The following L3MBTL4 variants were observed in gnomAD, a reference collection of about 807,000 sequenced individuals.
L3MBTL4 encodes the protein lethal(3)malignant brain tumor-like protein 4.
L3MBTL4 carries 70 observed loss-of-function variants against 84.5 expected under a neutral mutation model. The observed-to-expected ratio is 0.83, with a 90% CI of 0.68 to 1.01. L3MBTL4 has a LOEUF of 1.01. Ranked by LOEUF, L3MBTL4 falls within the 50% of genes least tolerant of loss-of-function variation. The probability of loss-of-function intolerance (pLI) is 0.00; values close to 1 mark genes in which losing one functional copy is unlikely to be tolerated. For missense variants in L3MBTL4, 715 were observed against 754.8 expected (o/e 0.95, Z 0.62); for synonymous variants, 274 against 259.8 (o/e 1.05, Z -0.52).
intron 12 of L3MBTL4, among the ~76,000 whole-genome samples, chr18:6,185,969 A>ATTT (rs1196171165): frequency 2.1e-4 from 29 of 139,858 alleles, no homozygotes; most frequent in African/African-American, 8.0e-4. Flanking sequence ...TCTTTATTTT[A>ATTT]TTTTATTTTA....
chr18:6,133,966 A>G (rs1201830361), intron 14 of L3MBTL4, among the ~76,000 whole-genome samples: 1 of 152,190 alleles, frequency 6.6e-6, no homozygotes, highest in Non-Finnish European at 1.5e-5. Flanking sequence ...CACATTGTGC[A>G]TATGGCCTGT....
chr18:6,253,387 G>A (rs1347670915), intron 5 of L3MBTL4, among the ~76,000 whole-genome samples: 1 of 152,188 alleles, frequency 6.6e-6, no homozygotes, highest in African/African-American at 2.4e-5. Flanking sequence ...ATTACATTTA[G>A]AAAGTTGCAA....
At chr18:6,142,353 A>C (rs566564132) in intron 13 of L3MBTL4, among the ~76,000 whole-genome samples, 2 of 152,338 alleles carry the variant, frequency 1.3e-5, no homozygotes, top group South Asian at 2.1e-4. Context: ...ATAAACAGCA[A>C]ATTTGAATTA....
intron 16 of L3MBTL4, among the ~76,000 whole-genome samples, chr18:6,006,548 A>G (rs899716576): frequency 6.6e-6 from 1 of 152,216 alleles, no homozygotes; most frequent in African/African-American, 2.4e-5. Flanking sequence ...CTGGCATACA[A>G]ATTTAGTAAC....
intron 1 of L3MBTL4, among the ~76,000 whole-genome samples, chr18:6,317,287 A>G (rs1215835261): frequency 6.6e-6 from 1 of 152,172 alleles, no homozygotes; most frequent in Non-Finnish European, 1.5e-5. Context: ...AAAATTCAAA[A>G]GGTTGATTAC....
At chr18:6,017,233 A>G (rs1466576115) in intron 16 of L3MBTL4, among the ~76,000 whole-genome samples, 10 of 152,250 alleles carry the variant, frequency 6.6e-5, no homozygotes, top group Non-Finnish European at 2.9e-5. Context: ...TGAAAGAAAC[A>G]TGCAAAATGG....
intron 1 of L3MBTL4, among the ~76,000 whole-genome samples, chr18:6,327,166 C>G (rs1336549727): frequency 6.6e-6 from 1 of 152,156 alleles, no homozygotes; most frequent in Non-Finnish European, 1.5e-5. Context: ...CTCTCACATC[C>G]TGCTGAGGAG....
chr18:6,059,039 C>T (rs911393697), intron 16 of L3MBTL4, among the ~76,000 whole-genome samples: 1 of 152,196 alleles, frequency 6.6e-6, no homozygotes, highest in Non-Finnish European at 1.5e-5. Context: ...TAGCCAAGGA[C>T]CCTCAGCTGA....
intron 16 of L3MBTL4, among the ~76,000 whole-genome samples, chr18:6,042,015 C>A (rs2056424090): frequency 6.6e-6 from 1 of 152,068 alleles, no homozygotes; most frequent in African/African-American, 2.4e-5. Flanking sequence ...GAACTACCAC[C>A]CGGCCATCTG....
intron 16 of L3MBTL4, among the ~76,000 whole-genome samples, chr18:6,017,533 A>T (rs1344430972): frequency 6.6e-6 from 1 of 152,238 alleles, no homozygotes; most frequent in Non-Finnish European, 1.5e-5. Flanking sequence ...ACACTGAATT[A>T]AGGGCAGGAA....
intron 16 of L3MBTL4, among the ~76,000 whole-genome samples, chr18:6,059,620 A>T (rs892334285): frequency 1.3e-5 from 2 of 152,010 alleles, no homozygotes; most frequent in African/African-American, 4.8e-5. Context: ...ACCAAGCTAA[A>T]AAAAAAGCCT....
intron 16 of L3MBTL4, among the ~76,000 whole-genome samples, chr18:5,984,380 C>G (rs2053376274): frequency 6.6e-6 from 1 of 152,340 alleles, no homozygotes; most frequent in Admixed American, 6.5e-5. Flanking sequence ...CATCTTAACA[C>G]TATGGTGACA....
chr18:6,309,538 T>C (rs2050736060), intron 3 of L3MBTL4, among the ~76,000 whole-genome samples: 1 of 152,250 alleles, frequency 6.6e-6, no homozygotes, highest in Admixed American at 6.5e-5. Context: ...ATTTAACAGA[T>C]ATTTTTGAAA....
intron 14 of L3MBTL4, among the ~76,000 whole-genome samples, chr18:6,104,708 G>A (rs888551750): frequency 1.3e-5 from 2 of 152,084 alleles, no homozygotes; most frequent in Non-Finnish European, 2.9e-5. Context: ...ATATTGTTAC[G>A]AAGATAGATC....
rs560494418 is a variant in L3MBTL4, at chr18:6,290,205, C to G, written c.127+11698G>C. ...TGCCTGGGTTACAGGCATGAGGTGC[C>G]GTGCCCAGCCTACTTCCAGGTTACC... On this transcript the variant is annotated intron_variant, in intron 4 of 18. Coordinates refer to ENST00000317931, the MANE Select transcript of L3MBTL4 (RefSeq NM_001330559.2). Among the ~76,000 whole-genome samples, 4 of 152,164 alleles carry G rather than the reference C, an allele frequency of 2.6e-5. No homozygotes were observed. In the South Asian group the frequency reaches 8.3e-4, roughly 32 times the overall value.
At chr18:6,037,852 A>C (rs1277634330) in intron 16 of L3MBTL4, among the ~76,000 whole-genome samples, 1 of 152,230 alleles carries the variant, frequency 6.6e-6, no homozygotes, top group African/African-American at 2.4e-5. Context: ...AATATTAGGG[A>C]ATATTTAGAT....
intron 17 of L3MBTL4, among the ~76,000 whole-genome samples, chr18:5,963,001 G>T (rs1028890891): frequency 6.6e-5 from 10 of 152,158 alleles, no homozygotes; most frequent in African/African-American, 2.4e-4. Flanking sequence ...GCCCCTGGGG[G>T]GCAACATTGC....
intron 5 of L3MBTL4, among the ~76,000 whole-genome samples, chr18:6,262,111 T>G (rs1312529155): frequency 6.6e-6 from 1 of 152,150 alleles, no homozygotes; most frequent in African/African-American, 2.4e-5. Flanking sequence ...ATCCTGGACC[T>G]TGACCCCGCT....
chr18:6,348,543 C>A (rs897483143), intron 1 of L3MBTL4, among the ~76,000 whole-genome samples: 14 of 151,904 alleles, frequency 9.2e-5, no homozygotes, highest in Non-Finnish European at 1.3e-4. Flanking sequence ...AACCCATACA[C>A]CAAAAGGAAG....
Sources: allele counts gnomAD v4.1 joint callset (sites outside exome capture counted in the v4.1 genomes callset), GRCh38; gene constraint gnomAD v4.1.1; transcripts MANE v1.5; gene names NCBI Gene and HGNC (gene_info 2026-07-23, HGNC 2026-07-21).